CRYBG3: variants seen among roughly 807,000 people sequenced by gnomAD.
CRYBG3 encodes very large A-kinase anchor protein.
CRYBG3 carries 127 observed loss-of-function variants against 244.2 expected under a neutral mutation model. The ratio of observed to expected loss-of-function variants is 0.52; its 90% CI spans 0.45 to 0.60. The LOEUF (loss-of-function observed/expected upper bound fraction) is 0.60. Ranked by LOEUF, CRYBG3 falls within the 20% of genes least tolerant of loss-of-function variation. The pLI, the probability that CRYBG3 is intolerant of heterozygous loss-of-function variation, is 0.00. For missense variants in CRYBG3, 3,325 were observed against 3,442.5 expected (o/e 0.97, Z 0.85); for synonymous variants, 1,132 against 1,195.8 (o/e 0.95, Z 1.10).
chr3:97,845,931 C>T (rs1224402530), intron 2 of CRYBG3, among the ~76,000 whole-genome samples: 2 of 152,202 alleles, frequency 1.3e-5, no homozygotes, highest in African/African-American at 4.8e-5. Context: ...GAAAGTCTGT[C>T]TTAAGCATTG....
At chr3:97,887,137 GT>G (rs1022643692) in intron 8 of CRYBG3, among the ~76,000 whole-genome samples, 1 of 152,050 alleles carries the variant, frequency 6.6e-6, no homozygotes, top group African/African-American at 2.4e-5. Context: ...TGGCTTTTTT[GT>G]TTATGACTCC....
chr3:97,854,269 T>C (rs910273970), intron 2 of CRYBG3, among the ~76,000 whole-genome samples: 1 of 152,094 alleles, frequency 6.6e-6, no homozygotes, highest in Admixed American at 6.6e-5. Flanking sequence ...TCCAGATTTG[T>C]TTTTTTGTTG....
chr3:97,824,147 A>G (rs1419597460), intron 1 of CRYBG3, among the ~76,000 whole-genome samples: 4 of 152,248 alleles, frequency 2.6e-5, no homozygotes, highest in African/African-American at 9.6e-5. Flanking sequence ...TTTCAAGGGC[A>G]TAAACAAACA....
intron 20 of CRYBG3, 96 bp downstream of exon 20, chr3:97,941,402 G>A (rs1461025118): frequency 5.9e-6 from 5 of 844,166 alleles, no homozygotes; most frequent in African/African-American, 1.7e-5. Context: ...ATAAAACAAT[G>A]CAACTTCTTA....
intron 1 of CRYBG3, among the ~76,000 whole-genome samples, chr3:97,826,629 G>C (rs958344331): frequency 6.6e-6 from 1 of 152,188 alleles, no homozygotes; most frequent in South Asian, 2.1e-4. Flanking sequence ...TAGGCTATAT[G>C]CTGAAAAGAA....
chr3:97,938,157 G>A (rs958959140), intron 19 of CRYBG3, among the ~76,000 whole-genome samples: 1 of 137,104 alleles, frequency 7.3e-6, no homozygotes, highest in Admixed American at 7.7e-5. Context: ...TTTGAGGTAG[G>A]AATTATTATC....
At chr3:97,856,359 G>A (rs925654579) in intron 2 of CRYBG3, among the ~76,000 whole-genome samples, 4 of 152,078 alleles carry the variant, frequency 2.6e-5, no homozygotes, top group African/African-American at 9.7e-5. Context: ...AATTTGTGCA[G>A]TTAATGCAAT....
intron 2 of CRYBG3, among the ~76,000 whole-genome samples, chr3:97,855,390 A>AT (rs1005969494): frequency 6.6e-6 from 1 of 151,998 alleles, no homozygotes; most frequent in Admixed American, 6.6e-5. Flanking sequence ...GTCTCCTTTG[A>AT]TTTTTTGAAA....
rs1476813024 is a variant in CRYBG3 at position 97,874,046 on chromosome 3, A to C, written c.2852A>C (p.Lys951Thr). Residue 951 changes from lysine to threonine, a missense_variant, in exon 4 of 22, where the codon AAA becomes ACA. Transcript: ENST00000389622. Reference protein sequence around the residue: ...SWILPPIHDEKISRQMAQNCE... With the variant: ...SWILPPIHDETISRQMAQNCE... ...ATTTTACCACCTATTCATGATGAAA[A>C]AATCAGTAGGCAAATGGCGCAGAAT... 1 of 1,535,764 alleles carries C rather than the reference A, an allele frequency of 6.5e-7. No individual in the cohort carries two copies. The highest frequency in any genetic ancestry group is 8.7e-7 in the Non-Finnish European group (1 of 1,146,830).
At chr3:97,926,041 C>G (rs2040037396) in intron 17 of CRYBG3, among the ~76,000 whole-genome samples, 1 of 151,692 alleles carries the variant, frequency 6.6e-6, no homozygotes. Flanking sequence ...GCTGAGTGAC[C>G]CTGGGCGTGT....
chr3:97,828,247 G>A (rs1053408176), intron 1 of CRYBG3, among the ~76,000 whole-genome samples: 1 of 152,068 alleles, frequency 6.6e-6, no homozygotes, highest in South Asian at 2.1e-4. Flanking sequence ...AATTTGATAT[G>A]ACCTATCAAT....
chr3:97,845,872 T>A (rs1365021002), intron 2 of CRYBG3, among the ~76,000 whole-genome samples: 1 of 152,194 alleles, frequency 6.6e-6, no homozygotes, highest in Non-Finnish European at 1.5e-5. Context: ...CCTTTCCTTT[T>A]GGTCTGTTAT....
At chr3:97,900,421 C>T (rs766209476) in intron 14 of CRYBG3, 32 bp from the exon 15 acceptor site, 8 of 1,462,038 alleles carry the variant, frequency 5.5e-6, no homozygotes, top group South Asian at 4.8e-5. Flanking sequence ...TATGTGATTA[C>T]AATTTTGAAA....
chr3:97,853,017 C>G (rs2039009597), intron 2 of CRYBG3, among the ~76,000 whole-genome samples: 3 of 151,950 alleles, frequency 2.0e-5, no homozygotes, highest in Non-Finnish European at 4.4e-5. Context: ...TTTATTTCTT[C>G]TAATTATTTT....
intron 17 of CRYBG3, among the ~76,000 whole-genome samples, chr3:97,926,786 T>C (rs2040045467): frequency 6.6e-6 from 1 of 151,936 alleles, no homozygotes; most frequent in Non-Finnish European, 1.5e-5. Context: ...ACGTCCAAGC[T>C]GAGAGCCAAA....
chr3:97,886,643 C>T lies in CRYBG3; in HGVS notation c.7165C>T (p.Pro2389Ser). ...TTTTTTTTTTCAGGACTGCAGCATT[C>T]CAGAAATAGAGCTTTTCCCACAATC... ...LKRVLKDCSI[P>S]EIELFPQSDP... The change falls in exon 8 of 22, where the codon CCA becomes TCA. Residue 2389 changes from proline (P) to serine (S), a missense_variant. By Grantham distance (74) the Pro-to-Ser change is moderately conservative. Around this residue, in one of 4 missense-constraint regions of CRYBG3, gnomAD observed 714 missense variants for 803.6 expected, o/e 0.89. Transcript: ENST00000389622. 1 of 1,603,252 alleles carries T rather than the reference C, an allele frequency of 6.2e-7. No individual in the cohort carries two copies.
At chr3:97,842,911 A>T (rs561080180) in intron 1 of CRYBG3, among the ~76,000 whole-genome samples, 1 of 152,222 alleles carries the variant, frequency 6.6e-6, no homozygotes, top group African/African-American at 2.4e-5. Flanking sequence ...AGTAATACAC[A>T]GGTGCTCTTT....
At chr3:97,942,153 AT>A (rs1316218751) in intron 20 of CRYBG3, 130 bp from the exon 21 acceptor site, 1 of 668,494 alleles carries the variant, frequency 1.5e-6, no homozygotes, top group Non-Finnish European at 2.3e-6. Context: ...ATTATACTAT[AT>A]AGTATTTTTT....
chr3:97,938,713 C>T (rs920267695), intron 19 of CRYBG3, among the ~76,000 whole-genome samples: 1 of 151,908 alleles, frequency 6.6e-6, no homozygotes, highest in South Asian at 2.1e-4. Flanking sequence ...ATTGCTGTGA[C>T]GGTTGAATAA....
Sources: allele counts gnomAD v4.1 joint callset (sites outside exome capture counted in the v4.1 genomes callset), GRCh38; gene constraint gnomAD v4.1.1; regional missense constraint gnomAD v4.1.1; transcripts MANE v1.5; gene names NCBI Gene and HGNC (gene_info 2026-07-23, HGNC 2026-07-21).